Variants in STARD13 observed in about 807,000 individuals in gnomAD.
The protein encoded by STARD13 is stAR-related lipid transfer protein 13.
STARD13 carries 62 observed loss-of-function variants against 106.4 expected under a neutral mutation model. The ratio of observed to expected loss-of-function variants is 0.58; its 90% CI spans 0.48 to 0.72. The LOEUF is 0.72. Among genes scored for constraint, STARD13 ranks in the 30% least tolerant of loss-of-function variants. STARD13 has a pLI of 0.00. For synonymous variants in STARD13, 565 were observed against 553.0 expected (o/e 1.02, Z -0.31); for missense variants, 1,387 against 1,424.0 (o/e 0.97, Z 0.42).
the STARD13 span, among the ~76,000 whole-genome samples, chr13:33,633,833 G>A: frequency 2.0e-5 from 3 of 152,136 alleles, no homozygotes; most frequent in East Asian, 5.8e-4. Context: ...GCCCAGGGCG[G>A]TGTTATTAAA....
chr13:33,469,268 AT>A, the STARD13 span, among the ~76,000 whole-genome samples: 1 of 152,204 alleles, frequency 6.6e-6, no homozygotes, highest in African/African-American at 2.4e-5. Context: ...CAGAAGCAGC[AT>A]CCAACCCAGG....
chr13:33,397,432 G>C, the STARD13 span, among the ~76,000 whole-genome samples: 1 of 152,214 alleles, frequency 6.6e-6, no homozygotes, highest in African/African-American at 2.4e-5. Context: ...AGACAGTGCA[G>C]ATGTCAATAC....
In STARD13 at chr13:33,308,287, G is replaced by A. The variant is rs1174144601; in HGVS notation, c.124+42003C>T. Among the ~76,000 whole-genome samples, 3 of 152,264 alleles carry A rather than the reference G, an allele frequency of 2.0e-5. No individual in the cohort carries two copies. In the East Asian group the frequency reaches 5.8e-4, roughly 29 times the overall value. On this transcript the variant is annotated intron_variant, in intron 1 of 5. Transcript: ENST00000567873. ...TTCCTTTGCATATAAGCGGTGTACAGACAGTGCATGGCGAAAATAGAGCTG... is the reference window on the plus strand; with the variant it reads ...TTCCTTTGCATATAAGCGGTGTACAAACAGTGCATGGCGAAAATAGAGCTG...
chr13:33,334,193 G>A (rs1349476263), intron 1 of STARD13: 1 of 152,176 alleles, frequency 6.6e-6, no homozygotes, highest in African/African-American at 2.4e-5. Flanking sequence ...AGTAAGAGAA[G>A]GCATCCATTC....
intron 7 of STARD13, among the ~76,000 whole-genome samples, chr13:33,119,442 G>A (rs916309803): frequency 9.9e-5 from 15 of 152,176 alleles, no homozygotes; most frequent in African/African-American, 1.4e-4. Context: ...AATACAGGTC[G>A]TCTTACTGAT....
intron 3 of STARD13, among the ~76,000 whole-genome samples, chr13:33,148,262 A>G (rs1880814902): frequency 6.6e-6 from 1 of 152,234 alleles, no homozygotes; most frequent in South Asian, 2.1e-4. Context: ...TCTTTCAGAG[A>G]AAAAAACTTT....
the STARD13 span, among the ~76,000 whole-genome samples, chr13:33,596,406 G>T: frequency 6.6e-6 from 1 of 152,028 alleles, no homozygotes; most frequent in African/African-American, 2.4e-5. Flanking sequence ...ACACACACAT[G>T]CATGTTATAT....
At chr13:33,560,662 A>G in the STARD13 span, among the ~76,000 whole-genome samples, 1 of 151,644 alleles carries the variant, frequency 6.6e-6, no homozygotes, top group Middle Eastern at 3.4e-3. Context: ...TTAAAAATTC[A>G]CTTGTAAGCC....
chr13:33,178,242 A>G (rs1269107602), intron 1 of STARD13, among the ~76,000 whole-genome samples: 1 of 152,226 alleles, frequency 6.6e-6, no homozygotes, highest in Non-Finnish European at 1.5e-5. Flanking sequence ...TTTTATGTCA[A>G]CAGATGTCCT....
chr13:33,676,003 C>T, the STARD13 span, among the ~76,000 whole-genome samples: 1 of 152,202 alleles, frequency 6.6e-6, no homozygotes, highest in African/African-American at 2.4e-5. Context: ...CAAATAATTG[C>T]CTTCTATATT....
intron 4 of STARD13, among the ~76,000 whole-genome samples, chr13:33,137,855 C>T (rs1879257958): frequency 1.3e-5 from 2 of 149,220 alleles, no homozygotes; most frequent in African/African-American, 4.9e-5. Flanking sequence ...TCTCATCTGA[C>T]TGCTCTTTGG....
upstream of STARD13, among the ~76,000 whole-genome samples, chr13:33,289,716 G>T (rs1434618311): frequency 6.6e-6 from 1 of 152,080 alleles, no homozygotes; most frequent in Non-Finnish European, 1.5e-5. Context: ...GGTATGGGGC[G>T]GCTAAAATCC....
At chr13:33,295,878 G>A (rs1892471791) in intron 1 of STARD13, among the ~76,000 whole-genome samples, 1 of 151,926 alleles carries the variant, frequency 6.6e-6, no homozygotes, top group Admixed American at 6.6e-5. Flanking sequence ...TTTCCTATGT[G>A]ATACCCCTCC....
intron 3 of STARD13, among the ~76,000 whole-genome samples, chr13:33,163,658 C>CATATATATATAAAATATATATAAAACAT (rs1882954603): frequency 2.8e-5 from 2 of 71,624 alleles, no homozygotes; most frequent in East Asian, 3.2e-4. Context: ...ATATATAAAA[C>CATATATATATAAAATATATATAAAACAT]ATATATATAT....
At chr13:33,208,256 G>A (rs1454703695) in intron 1 of STARD13, among the ~76,000 whole-genome samples, 1 of 152,126 alleles carries the variant, frequency 6.6e-6, no homozygotes. Flanking sequence ...GTTGGGGAGT[G>A]GGAGTGGGAG....
At chr13:33,586,327 G>A in the STARD13 span, among the ~76,000 whole-genome samples, 2 of 151,934 alleles carry the variant, frequency 1.3e-5, no homozygotes, top group South Asian at 2.1e-4. Context: ...CAGGGTTATC[G>A]CCCTTTCCTG....
chr13:33,490,365 C>T, the STARD13 span, among the ~76,000 whole-genome samples: 1 of 152,136 alleles, frequency 6.6e-6, no homozygotes, highest in Non-Finnish European at 1.5e-5. Flanking sequence ...TTCCTGTTTT[C>T]GCGCTCCTCT....
the STARD13 span, among the ~76,000 whole-genome samples, chr13:33,453,575 C>A: frequency 6.6e-6 from 1 of 152,060 alleles, no homozygotes; most frequent in Non-Finnish European, 1.5e-5. Context: ...TTAAGGAAAT[C>A]CCAATAAGAG....
chr13:33,239,300 T>C (rs937784620), intron 1 of STARD13, among the ~76,000 whole-genome samples: 1 of 152,190 alleles, frequency 6.6e-6, no homozygotes, highest in African/African-American at 2.4e-5. Context: ...TTTAGGTTGC[T>C]TTTACCTCTT....
Sources: allele counts gnomAD v4.1 joint callset (sites outside exome capture counted in the v4.1 genomes callset), GRCh38; gene constraint gnomAD v4.1.1; transcripts MANE v1.5; gene names NCBI Gene and HGNC (gene_info 2026-07-23, HGNC 2026-07-21).